SLC35D1: variants seen among roughly 807,000 people sequenced by gnomAD.
SLC35D1 encodes the protein solute carrier family 35 member D1, also known as nucleotide sugar transporter SLC35D1.
Under a neutral mutation model 46.7 loss-of-function variants are expected in SLC35D1, and 31 were observed. The ratio of observed to expected loss-of-function variants is 0.66; its 90% CI spans 0.50 to 0.90. The LOEUF is 0.90. Ranked by LOEUF, SLC35D1 falls within the 40% of genes least tolerant of loss-of-function variation. The probability of loss-of-function intolerance (pLI) is 0.00; values close to 1 mark genes in which losing one functional copy is unlikely to be tolerated. For synonymous variants in SLC35D1, 195 were observed against 164.6 expected (o/e 1.18, Z -1.41); for missense variants, 397 against 426.2 (o/e 0.93, Z 0.60).
intron 8 of SLC35D1, among the ~76,000 whole-genome samples, chr1:67,025,451 A>C (rs1667897387): frequency 6.6e-6 from 1 of 152,190 alleles, no homozygotes; most frequent in African/African-American, 2.4e-5. Flanking sequence ...CTCTTAATCC[A>C]ATATCACAGT....
At chr1:67,006,140 G>C (rs116409566) in intron 11 of SLC35D1, among the ~76,000 whole-genome samples, 5 of 152,068 alleles carry the variant, frequency 3.3e-5, no homozygotes, top group African/African-American at 1.2e-4. Context: ...GTGAGCCACC[G>C]CGCCTAGCAT....
At chr1:67,031,731 AAC>A (rs1476020973) in intron 8 of SLC35D1, among the ~76,000 whole-genome samples, 1 of 152,216 alleles carries the variant, frequency 6.6e-6, no homozygotes, top group Non-Finnish European at 1.5e-5. Context: ...GAATGTAGAA[AAC>A]AGTCTGCTCT....
At chr1:67,043,929 C>A (rs1436522553) in intron 7 of SLC35D1, among the ~76,000 whole-genome samples, 1 of 152,132 alleles carries the variant, frequency 6.6e-6, no homozygotes, top group Non-Finnish European at 1.5e-5. Flanking sequence ...AGGATGGGGG[C>A]ATAACACTTG....
rs189681040 is a variant in SLC35D1, at chr1:67,035,083, A to G, written c.729+7153T>C. Among the ~76,000 whole-genome samples the G allele has an allele frequency of 3.5e-3, 540 of 152,120 alleles. 4 individuals carry two copies. Among genetic ancestry groups the G allele is most frequent in the Non-Finnish European group, 5.3e-3 (362 of 67,994 alleles). On this transcript the variant is annotated intron_variant, in intron 8 of 11. Coordinates refer to ENST00000235345, the MANE Select transcript of SLC35D1 (RefSeq NM_015139.3). ...ATTTGGTTTGCTAGTATTTTTGTTG[A>G]GGATTTCTCCACTACTATTCATCAG... is the stretch of plus-strand genomic sequence containing the variant.
At chr1:67,018,625 C>G (rs963224018) in intron 10 of SLC35D1, among the ~76,000 whole-genome samples, 1 of 152,142 alleles carries the variant, frequency 6.6e-6, no homozygotes, top group African/African-American at 2.4e-5. Context: ...CTGACTGAGT[C>G]TATCTGGGTA....
the SLC35D1 span, among the ~76,000 whole-genome samples, chr1:66,983,132 T>G: frequency 6.6e-6 from 1 of 152,200 alleles, no homozygotes; most frequent in Non-Finnish European, 1.5e-5. Flanking sequence ...CCACTCAACA[T>G]TACGTACAGT....
At chr1:67,042,429 C>T in intron 7 of SLC35D1, 101 bp from the exon 8 acceptor site, 1 of 945,056 alleles carries the variant, frequency 1.1e-6, no homozygotes, top group Non-Finnish European at 1.7e-6. Flanking sequence ...CACAAACACA[C>T]ACACCCTCCC....
At chr1:66,993,996 G>T in the SLC35D1 span, among the ~76,000 whole-genome samples, 1 of 152,140 alleles carries the variant, frequency 6.6e-6, no homozygotes, top group African/African-American at 2.4e-5. Context: ...AAAATAATTG[G>T]ATCAAAACTT....
chr1:67,037,127 G>A (rs1668139832), intron 8 of SLC35D1, among the ~76,000 whole-genome samples: 1 of 151,930 alleles, frequency 6.6e-6, no homozygotes, highest in East Asian at 1.9e-4. Context: ...TGTTTCTCTT[G>A]ATATCTTATT....
At chr1:66,994,056 C>CTTTAAA in the SLC35D1 span, among the ~76,000 whole-genome samples, 1 of 152,196 alleles carries the variant, frequency 6.6e-6, no homozygotes, top group Non-Finnish European at 1.5e-5. Context: ...AGATCAAAAT[C>CTTTAAA]AGCTTTAAAA....
At chr1:66,988,616 T>C in the SLC35D1 span, 8 of 152,386 alleles carry the variant, frequency 5.2e-5, no homozygotes, top group Non-Finnish European at 1.2e-4. Context: ...GTCATTTTGC[T>C]TGCTCTTGAG....
the SLC35D1 span, among the ~76,000 whole-genome samples, chr1:66,975,970 G>A: frequency 6.7e-6 from 1 of 150,092 alleles, no homozygotes; most frequent in African/African-American, 2.5e-5. Context: ...TAACATGAAT[G>A]CCACTTCCAG....
the SLC35D1 span, among the ~76,000 whole-genome samples, chr1:66,991,476 T>G: frequency 1.3e-5 from 2 of 152,172 alleles, no homozygotes; most frequent in Non-Finnish European, 2.9e-5. Context: ...TCCCTAAAGT[T>G]TGTCAAAAAG....
intron 8 of SLC35D1, among the ~76,000 whole-genome samples, chr1:67,033,299 T>C (rs538057323): frequency 1.3e-5 from 2 of 152,330 alleles, no homozygotes; most frequent in South Asian, 4.1e-4. Flanking sequence ...TTGAGGAACC[T>C]CCAAACTGTT....
At chr1:67,030,981 G>A (rs935578077) in intron 8 of SLC35D1, among the ~76,000 whole-genome samples, 1 of 152,142 alleles carries the variant, frequency 6.6e-6, no homozygotes, top group African/African-American at 2.4e-5. Context: ...AGGTCACACA[G>A]GTTATATACG....
chr1:66,978,597 G>C, the SLC35D1 span, among the ~76,000 whole-genome samples: 1 of 152,080 alleles, frequency 6.6e-6, no homozygotes, highest in African/African-American at 2.4e-5. Flanking sequence ...TCTTAAAATA[G>C]TCATGATTTT....
chr1:66,989,259 C>CA, the SLC35D1 span, among the ~76,000 whole-genome samples: 1 of 152,102 alleles, frequency 6.6e-6, no homozygotes, highest in Non-Finnish European at 1.5e-5. Flanking sequence ...ACGCCTAATG[C>CA]AAATTTGGCC....
At chr1:67,039,090 C>T (rs1490876993) in intron 8 of SLC35D1, among the ~76,000 whole-genome samples, 1 of 152,142 alleles carries the variant, frequency 6.6e-6, no homozygotes, top group Non-Finnish European at 1.5e-5. Flanking sequence ...TTGTTGGATT[C>T]TTGTCCTAAC....
chr1:66,979,747 G>A, the SLC35D1 span, among the ~76,000 whole-genome samples: 2 of 147,660 alleles, frequency 1.4e-5, no homozygotes. Context: ...ATCAACTCTT[G>A]TTTCCTTTGC....
Sources: gnomAD v4.1 joint callset for allele counts (sites outside exome capture counted in the v4.1 genomes callset) on GRCh38, gnomAD v4.1.1 for gene constraint, MANE v1.5 for transcripts, NCBI Gene and HGNC (gene_info 2026-07-23, HGNC 2026-07-21) for gene names.